NRG3: variants seen among roughly 807,000 people sequenced by gnomAD.
NRG3 encodes pro-neuregulin-3, membrane-bound isoform.
NRG3 carries 31 observed loss-of-function variants against 66.9 expected under a neutral mutation model. The observed-to-expected ratio is 0.46, with a 90% CI of 0.35 to 0.63. The LOEUF is 0.63. NRG3 is among the 20% of genes least tolerant of loss of function. The pLI, the probability that NRG3 is intolerant of heterozygous loss-of-function variation, is 0.00. For synonymous variants in NRG3, 393 were observed against 359.4 expected (o/e 1.09, Z -1.06); for missense variants, 910 against 878.9 (o/e 1.04, Z -0.45).
intron 2 of NRG3, among the ~76,000 whole-genome samples, chr10:82,499,156 A>G (rs1843909355): frequency 6.6e-6 from 1 of 152,186 alleles, no homozygotes; most frequent in African/African-American, 2.4e-5. Context: ...AGCTGGAAAA[A>G]GAATTCTCTT....
intron 1 of NRG3, among the ~76,000 whole-genome samples, chr10:82,273,859 C>T (rs2078716230): frequency 6.6e-6 from 1 of 151,880 alleles, no homozygotes; most frequent in Non-Finnish European, 1.5e-5. Flanking sequence ...TCTTTCATTT[C>T]CCCAGCCCCA....
At chr10:82,257,666 A>C (rs888150022) in intron 1 of NRG3, among the ~76,000 whole-genome samples, 1 of 152,026 alleles carries the variant, frequency 6.6e-6, no homozygotes, top group East Asian at 1.9e-4. Context: ...ACTCAGGAGC[A>C]TGAGGTGGTA....
At chr10:82,748,625 T>A (rs57386030) in intron 3 of NRG3, among the ~76,000 whole-genome samples, 85 of 148,952 alleles carry the variant, frequency 5.7e-4, no homozygotes, top group African/African-American at 2.0e-3. Flanking sequence ...TAATTATTAT[T>A]TTAAATTTAA....
At chr10:82,400,627 G>C (rs952153711) in intron 2 of NRG3, among the ~76,000 whole-genome samples, 1 of 151,594 alleles carries the variant, frequency 6.6e-6, no homozygotes, top group Non-Finnish European at 1.5e-5. Flanking sequence ...GAGTGCAGTG[G>C]TGTGATCATA....
At chr10:82,124,326 A>G (rs950980349) in intron 1 of NRG3, among the ~76,000 whole-genome samples, 2 of 152,046 alleles carry the variant, frequency 1.3e-5, no homozygotes, top group Non-Finnish European at 2.9e-5. Context: ...GGGCTGTAGT[A>G]ATTATTAACT....
chr10:81,988,995 A>G (rs548407746), intron 1 of NRG3, among the ~76,000 whole-genome samples: 2 of 152,204 alleles, frequency 1.3e-5, no homozygotes, highest in East Asian at 3.9e-4. Context: ...CAAGTGAGGC[A>G]TTATAGTGGA....
chr10:81,930,323 TC>T (rs1321487882), intron 1 of NRG3, among the ~76,000 whole-genome samples: 2 of 152,092 alleles, frequency 1.3e-5, no homozygotes, highest in Non-Finnish European at 2.9e-5. Flanking sequence ...CCCATGACGT[TC>T]CTGAAGCTCA....
chr10:81,930,458 C>T (rs1847233247), intron 1 of NRG3, among the ~76,000 whole-genome samples: 1 of 150,964 alleles, frequency 6.6e-6, no homozygotes, highest in Admixed American at 6.6e-5. Flanking sequence ...GGGTCTCAAA[C>T]AGAGCTTTTG....
At chr10:82,738,548 T>A in intron 2 of NRG3, 29 bp from the exon 3 acceptor site, 2 of 1,585,578 alleles carry the variant, frequency 1.3e-6, no homozygotes, top group East Asian at 2.2e-5. Flanking sequence ...ACCACATGCG[T>A]ATGTTTGTCA....
chr10:82,881,785 G>GT (rs1439118956), intron 4 of NRG3, among the ~76,000 whole-genome samples: 3 of 152,156 alleles, frequency 2.0e-5, no homozygotes, highest in Non-Finnish European at 4.4e-5. Flanking sequence ...GATTGATGAT[G>GT]TAACACCCCA....
chr10:82,148,713 A>G (rs1015104104), intron 1 of NRG3, among the ~76,000 whole-genome samples: 1 of 152,100 alleles, frequency 6.6e-6, no homozygotes, highest in Non-Finnish European at 1.5e-5. Context: ...ACTGATTCTC[A>G]CCTTGGGAAT....
At chr10:82,683,172 A>G (rs962004597) in intron 2 of NRG3, among the ~76,000 whole-genome samples, 2 of 151,718 alleles carry the variant, frequency 1.3e-5, no homozygotes, top group African/African-American at 4.8e-5. Flanking sequence ...GTTAGCCAGG[A>G]TGGTCTCGAT....
chr10:82,518,498 TCCC>T (rs1337714124), intron 2 of NRG3, among the ~76,000 whole-genome samples: 1 of 151,902 alleles, frequency 6.6e-6, no homozygotes, highest in Admixed American at 6.6e-5. Flanking sequence ...AAGTGTCTGC[TCCC>T]CCCTACACAC....
At chr10:82,015,743 C>A (rs942951680) in intron 1 of NRG3, among the ~76,000 whole-genome samples, 2 of 151,796 alleles carry the variant, frequency 1.3e-5, no homozygotes, top group Non-Finnish European at 2.9e-5. Context: ...TGGGCTAATA[C>A]ATCTGTCTTC....
At chr10:82,967,942 C>T (rs1851360583) in intron 6 of NRG3, among the ~76,000 whole-genome samples, 1 of 152,184 alleles carries the variant, frequency 6.6e-6, no homozygotes, top group Admixed American at 6.6e-5. Flanking sequence ...GTCCAAATTA[C>T]TTCTTAAACA....
chr10:82,544,961 C>T (rs1386291334), intron 2 of NRG3, among the ~76,000 whole-genome samples: 1 of 152,132 alleles, frequency 6.6e-6, no homozygotes, highest in African/African-American at 2.4e-5. Flanking sequence ...CTGCAGCAAT[C>T]GAGGACTGTA....
intron 2 of NRG3, among the ~76,000 whole-genome samples, chr10:82,438,747 C>T (rs1282203601): frequency 6.6e-6 from 1 of 152,154 alleles, no homozygotes; most frequent in African/African-American, 2.4e-5. Context: ...AGCACGCTCA[C>T]TCACCACCTC....
intron 1 of NRG3, among the ~76,000 whole-genome samples, chr10:82,322,547 T>A (rs1057420368): frequency 4.0e-5 from 6 of 151,644 alleles, no homozygotes; most frequent in African/African-American, 1.2e-4. Context: ...CTTTTTTTTT[T>A]TAAAATTTTG....
intron 1 of NRG3, among the ~76,000 whole-genome samples, chr10:82,048,208 A>G (rs1020816587): frequency 3.9e-5 from 6 of 152,150 alleles, no homozygotes; most frequent in African/African-American, 1.4e-4. Flanking sequence ...AAAGTTAACA[A>G]GGATACCCAG....
Sources: allele counts gnomAD v4.1 joint callset (sites outside exome capture counted in the v4.1 genomes callset), GRCh38; gene constraint gnomAD v4.1.1; transcripts MANE v1.5; gene names NCBI Gene and HGNC (gene_info 2026-07-23, HGNC 2026-07-21).